Variants in PXDN observed in about 807,000 individuals in gnomAD.
The protein encoded by PXDN is peroxidasin.
Under a neutral mutation model 140.3 loss-of-function variants are expected in PXDN, and 77 were observed. The ratio of observed to expected loss-of-function variants is 0.55; its 90% confidence interval spans 0.46 to 0.66. PXDN has a LOEUF of 0.66. Ranked by LOEUF, PXDN falls within the 30% of genes least tolerant of loss-of-function variation. The pLI, the probability that PXDN is intolerant of heterozygous loss-of-function variation, is 0.00. For synonymous variants in PXDN, 911 were observed against 857.4 expected, an observed-to-expected ratio of 1.06 and a Z score of -1.09; for missense variants, 1,838 against 2,039.5, an observed-to-expected ratio of 0.90 and a Z score of 1.90.
Position 1,648,727 on chromosome 2 carries a change from G to T in PXDN, c.3053C>A (p.Thr1018Asn). The T allele has an allele frequency of 6.2e-7, 1 of 1,605,208 alleles. No individual in the cohort carries two copies. The highest frequency in any genetic ancestry group is 8.5e-7 in the Non-Finnish European group (1 of 1,176,342). Residue 1018 changes from threonine (T) to asparagine (N), a missense_variant, in exon 17 of 23, where the codon ACC (threonine) becomes AAC (asparagine). Thr to Asn is a moderately conservative substitution (Grantham distance 65, BLOSUM62 0). Around this residue, in one of 5 missense-constraint regions of PXDN, gnomAD observed 850 missense variants for 894.1 expected, o/e 0.95. Coordinates refer to ENST00000252804, the MANE Select transcript of PXDN (RefSeq NM_012293.3). The surrounding 1 kb of genome is among the most constrained non-coding windows in gnomAD (Gnocchi z 8.9). The part of the protein sequence containing the change: ...HWDGDTIYYE[T>N]RKIVGAEIQH... ...GATCTCCGCACCCACGATCTTCCTGGTCTCATAGTAGATGGTGTCGCCGTC... is the reference window on the plus strand; with the variant it reads ...GATCTCCGCACCCACGATCTTCCTGTTCTCATAGTAGATGGTGTCGCCGTC...
intron 1 of PXDN, among the ~76,000 whole-genome samples, chr2:1,742,110 A>C (rs1489658394): frequency 6.6e-6 from 1 of 152,250 alleles, no homozygotes; most frequent in African/African-American, 2.4e-5. Context: ...CAATGCATCC[A>C]GCCAGGACTC....
chr2:1,647,622 G>A (rs1016816198), intron 17 of PXDN, among the ~76,000 whole-genome samples: 5 of 152,206 alleles, frequency 3.3e-5, no homozygotes, highest in African/African-American at 1.2e-4. Flanking sequence ...CATCTGTGGC[G>A]GTCATGGGCA....
chr2:1,648,265 T>A lies in PXDN; in HGVS notation c.3515A>T (p.Asp1172Val). Residue 1172 changes from aspartate to valine, a missense_variant, in exon 17 of 23, where the codon GAC becomes GTC. Physicochemically the swap from Asp to Val is radical, Grantham distance 152. Transcript: ENST00000252804. The surrounding 1 kb of genome is among the most constrained non-coding windows in gnomAD (Gnocchi z 8.9). ...CGATAGATTGCAGTAGACCCTGTAG[T>A]CGTGGTAGGGTGGGATCCCGTGGTC... ...GRDHGIPPYH[D>V]YRVYCNLSAA... 6.2e-7 allele frequency: 1 copy of A among 1,613,896 alleles called. No individual in the cohort carries two copies. The highest frequency in any genetic ancestry group is 8.5e-7 in the Non-Finnish European group (1 of 1,179,876).
chr2:1,658,758 C>T (rs879762266), intron 14 of PXDN, among the ~76,000 whole-genome samples: 46 of 145,608 alleles, frequency 3.2e-4, no homozygotes, highest in Non-Finnish European at 5.9e-4. Flanking sequence ...CTCCCCACCC[C>T]CCGGCATCGG....
In PXDN at chr2:1,680,243, C is replaced by A. The variant is rs1240677192; in HGVS notation, c.680G>T (p.Arg227Leu). Residue 227 changes from arginine to leucine, a missense_variant, in exon 7 of 23, where the codon CGC becomes CTC. This residue lies in a region of PXDN where 208 missense variants were observed against 325.8 expected (regional missense o/e 0.64). Transcript: ENST00000252804. ...QAAAICEYPR[R>L]IQGRSVATIT... is the part of the protein sequence containing the mutation. ...GGTTGCCACTGAGCGTCCCTGGATG[C>A]GTCTGGGATATTCACAGATGGCCGC... The A allele has an allele frequency of 1.2e-6, 2 of 1,610,362 alleles. No individual in the cohort carries two copies.
Position 1,634,197 on chromosome 2 carries a change from C to G in PXDN, c.*7G>C. 1 of 1,567,144 alleles carries G rather than the reference C, an allele frequency of 6.4e-7. No homozygotes were observed. Among genetic ancestry groups the G allele is most frequent in the South Asian group, 1.2e-5 (1 of 85,036 alleles). On this transcript the variant is annotated 3_prime_UTR_variant, in exon 23 of 23. Coordinates refer to ENST00000252804, the MANE Select transcript of PXDN (RefSeq NM_012293.3). ...AGCAGACAAACTCTGAGGAGCCTCC[C>G]AGGAGCCTAGGGCTTTTCCTCCGCC...
intron 3 of PXDN, among the ~76,000 whole-genome samples, chr2:1,688,715 A>T (rs1684119616): frequency 6.6e-6 from 1 of 152,158 alleles, no homozygotes; most frequent in Non-Finnish European, 1.5e-5. Flanking sequence ...GGGCAAGTCA[A>T]AATCCACGCT....
rs889463331 is a variant in PXDN at position 1,651,432 on chromosome 2, G to A, written c.2105-1757C>T. Among the ~76,000 whole-genome samples the A allele has an allele frequency of 2.6e-5, 4 of 152,174 alleles. No individual in the cohort carries two copies. The highest frequency in any genetic ancestry group is 4.8e-5 in the African/African-American group (2 of 41,456). On this transcript the variant is annotated intron_variant, in intron 16 of 22. Transcript: ENST00000252804. This position sits in a 1 kb window ranked among gnomAD's most constrained non-coding sequence, Gnocchi z 4.4. ...CCCATGCAGAGTGGTCACCCAGCCC[G>A]ATGCTTGAAAATGCATCAAACCATG...
In PXDN at chr2:1,634,272, C is replaced by T. The variant is rs775756968; in HGVS notation, c.4372G>A (p.Val1458Ile). ...VEACPPATCAVPVNIPGACCP... is the reference protein window; with the variant it reads ...VEACPPATCAIPVNIPGACCP... ...CAGGCCCCTGGGATGTTCACGGGGACAGCACAGGTGGCAGGGGGGCAAGCT... is the reference window on the plus strand; with the variant it reads ...CAGGCCCCTGGGATGTTCACGGGGATAGCACAGGTGGCAGGGGGGCAAGCT... The change falls in exon 23 of 23, where the codon GTC (valine) becomes ATC (isoleucine). Residue 1458 changes from valine (V) to isoleucine (I), a missense_variant. Transcript: ENST00000252804. 1.9e-6 allele frequency: 3 copies of T among 1,608,186 alleles called. No homozygotes were observed. The highest frequency in any genetic ancestry group is 2.2e-5 in the East Asian group (1 of 44,692).
chr2:1,736,180 A>G (rs1162419659), intron 1 of PXDN, among the ~76,000 whole-genome samples: 1 of 152,206 alleles, frequency 6.6e-6, no homozygotes, highest in Non-Finnish European at 1.5e-5. Context: ...CCAAACCACT[A>G]AAACTTCCTC....
chr2:1,720,685 T>TTCTCTCTGCATCTCTC (rs1558526182), intron 1 of PXDN, among the ~76,000 whole-genome samples: 18 of 37,928 alleles, frequency 4.7e-4, no homozygotes, highest in South Asian at 9.2e-4. Flanking sequence ...CTGCATCTCT[T>TTCTCTCTGCATCTCTC]TCTCTCTCTC....
In PXDN at chr2:1,651,525, C is replaced by CTT. The variant is rs1683014121; in HGVS notation, c.2105-1851_2105-1850insAA. ...AGCCAACGACATATCCTTATATTCGCTCCCAGGCCCTTTCTGGTGGAGCAC... is the reference window on the plus strand; with the variant it reads ...AGCCAACGACATATCCTTATATTCGCTTTCCCAGGCCCTTTCTGGTGGAGCAC... On this transcript the variant is annotated intron_variant, in intron 16 of 22. Coordinates refer to ENST00000252804, the MANE Select transcript of PXDN (RefSeq NM_012293.3). The surrounding 1 kb of genome is among the most constrained non-coding windows in gnomAD (Gnocchi z 4.4). Among the ~76,000 whole-genome samples, 1 of 152,240 alleles carries CTT rather than the reference C, an allele frequency of 6.6e-6. No individual in the cohort carries two copies. Among genetic ancestry groups the CTT allele is most frequent in the Non-Finnish European group, 1.5e-5 (1 of 68,052 alleles).
intron 4 of PXDN, 87 bp from the exon 5 acceptor site, chr2:1,684,238 T>C (rs768154842): frequency 3.2e-4 from 339 of 1,068,992 alleles, no homozygotes; most frequent in Non-Finnish European, 4.3e-4. Flanking sequence ...CCTAGTCATT[T>C]CAAATTCAGA....
chr2:1,649,545 G>A lies in PXDN; in HGVS notation c.2235C>T (p.Asp745=), dbSNP rs553601622. 14 of 1,614,042 alleles carry A rather than the reference G, an allele frequency of 8.7e-6. No individual in the cohort carries two copies. In the African/African-American group the frequency reaches 1.1e-4, roughly 12 times the overall value. Reference sequence around the variant, plus strand: ...GGTGCTGCAGGTTGTTACAGGTGCCGTCGTGCGTCCGGTACTTCTGGTGGA... The same window carrying A: ...GGTGCTGCAGGTTGTTACAGGTGCCATCGTGCGTCCGGTACTTCTGGTGGA... The part of the protein sequence containing the change: ...MCFHQKYRTH[D]GTCNNLQHPM... Residue 745 remains aspartate (D), a synonymous_variant, in exon 17 of 23, where the codon GAC becomes GAT. Transcript: ENST00000252804. This position sits in a 1 kb window ranked among gnomAD's most constrained non-coding sequence, Gnocchi z 7.1.
chr2:1,644,969 A>G (rs1266436186), intron 17 of PXDN, among the ~76,000 whole-genome samples: 2 of 152,192 alleles, frequency 1.3e-5, no homozygotes, highest in African/African-American at 4.8e-5. Context: ...ACACACACAC[A>G]AACGCATTTA....
chr2:1,664,660 T>G (rs754976096), intron 11 of PXDN: 15 of 359,648 alleles, frequency 4.2e-5, no homozygotes, highest in Non-Finnish European at 5.6e-5. Context: ...TCCTAGAGAC[T>G]ATCTGAAACA....
In PXDN at chr2:1,649,585, C is replaced by G; in HGVS notation, c.2195G>C (p.Cys732Ser). The change falls in exon 17 of 23, where the codon TGC (cysteine) becomes TCC (serine). Residue 732 changes from cysteine (C) to serine (S), a missense_variant. Transcript: ENST00000252804. The surrounding 1 kb of genome is among the most constrained non-coding windows in gnomAD (Gnocchi z 7.1). ...CTTCTGGTGGAAGCACATGTCCGAG[C>G]AGTTGTTCACGCGCCGGTGGGCGGT... is the stretch of plus-strand genomic sequence containing the variant. ...GCTAHRRVNN[C>S]SDMCFHQKYR... 1 of 1,614,048 alleles carries G rather than the reference C, an allele frequency of 6.2e-7. No homozygotes were observed. The highest frequency in any genetic ancestry group is 8.5e-7 in the Non-Finnish European group (1 of 1,179,900).
chr2:1,736,334 A>T (rs1685424372), intron 1 of PXDN, among the ~76,000 whole-genome samples: 1 of 152,182 alleles, frequency 6.6e-6, no homozygotes. Context: ...CTGAAAGGCC[A>T]CTGTAGGGTT....
intron 1 of PXDN, among the ~76,000 whole-genome samples, chr2:1,707,260 G>A (rs1684638664): frequency 8.6e-6 from 1 of 116,602 alleles, no homozygotes; most frequent in Non-Finnish European, 1.8e-5. Context: ...TCAGCTCTAA[G>A]CATCACCTGC....
Sources: gnomAD v4.1 joint callset for allele counts (sites outside exome capture counted in the v4.1 genomes callset) on GRCh38, gnomAD v4.1.1 for gene constraint, gnomAD v4.1.1 regional missense constraint, Gnocchi (gnomAD v3.1) non-coding constraint, MANE v1.5 for transcripts, NCBI Gene and HGNC (gene_info 2026-07-23, HGNC 2026-07-21) for gene names.